The following CDYL2 variants were observed in gnomAD, a reference collection of about 807,000 sequenced individuals.
The protein encoded by CDYL2 is chromodomain Y like 2.
A neutral mutation model predicts 49.4 loss-of-function variants in CDYL2; 23 were observed. The ratio of observed to expected loss-of-function variants is 0.47; its 90% CI spans 0.34 to 0.66. The LOEUF (loss-of-function observed/expected upper bound fraction) is 0.66, where lower values mean the gene tolerates loss of function less well. Among genes scored for constraint, CDYL2 ranks in the 30% least tolerant of loss-of-function variants. CDYL2 has a pLI of 0.01. For synonymous variants in CDYL2, 360 were observed against 268.8 expected (o/e 1.34, Z -3.32); for missense variants, 678 against 656.4 (o/e 1.03, Z -0.36).
chr16:80,788,095 G>GA (rs973123274), intron 1 of CDYL2, among the ~76,000 whole-genome samples: 4 of 151,926 alleles, frequency 2.6e-5, no homozygotes, highest in Non-Finnish European at 4.4e-5. Context: ...AAAGAAAAAG[G>GA]AAAAAAAGCA....
chr16:80,709,482 T>C (rs1238679437), intron 1 of CDYL2, among the ~76,000 whole-genome samples: 1 of 151,466 alleles, frequency 6.6e-6, no homozygotes, highest in African/African-American at 2.4e-5. Context: ...TTGTGCACAA[T>C]TTCGTCCATG....
intron 1 of CDYL2, among the ~76,000 whole-genome samples, chr16:80,718,004 G>C (rs1346608829): frequency 2.0e-5 from 3 of 152,102 alleles, no homozygotes; most frequent in Non-Finnish European, 2.9e-5. Flanking sequence ...TCTCACGCTG[G>C]GTGCTTTCTC....
chr16:80,776,911 A>G (rs372441704), intron 1 of CDYL2, among the ~76,000 whole-genome samples: 2 of 151,514 alleles, frequency 1.3e-5, no homozygotes, highest in South Asian at 2.1e-4. Flanking sequence ...TCCGCCTCCC[A>G]GATTCAAGCC....
At chr16:80,729,592 C>T (rs1253411426) in intron 1 of CDYL2, among the ~76,000 whole-genome samples, 2 of 152,060 alleles carry the variant, frequency 1.3e-5, no homozygotes, top group African/African-American at 4.8e-5. Flanking sequence ...AGCTCTGCAC[C>T]AAGCAGACCT....
chr16:80,798,133 C>T (rs1325243831), intron 1 of CDYL2, among the ~76,000 whole-genome samples: 1 of 152,138 alleles, frequency 6.6e-6, no homozygotes, highest in African/African-American at 2.4e-5. Context: ...CTCTGCCTTC[C>T]AGACTCAAGC....
intron 3 of CDYL2, among the ~76,000 whole-genome samples, chr16:80,624,063 C>G (rs547740285): frequency 6.6e-6 from 1 of 152,176 alleles, no homozygotes; most frequent in Non-Finnish European, 1.5e-5. Flanking sequence ...CCCTCACACC[C>G]CTGCATACTC....
At position 80,699,868 on chromosome 16, in the gene CDYL2, ATT is replaced by A. The variant is rs66786988; in HGVS notation, c.25-14741_25-14740del. Among the ~76,000 whole-genome samples, 58 of 144,324 alleles carry A rather than the reference ATT, an allele frequency of 4.0e-4. 1 individual carries two copies. The highest frequency in any genetic ancestry group is 2.8e-3 in the Admixed American group (40 of 14,524). The allele number at this position is 144,324 out of a possible 152,430, so 94.7% of individuals were successfully genotyped here. On this transcript the variant is annotated intron_variant, in intron 1 of 6. Transcript: ENST00000570137. Reference sequence around the variant, plus strand: ...GTAAATAATTAGAATGACCAAAACAATTTTTTTTTTTTTTTTTGAGACGGAGT... The same window carrying A: ...GTAAATAATTAGAATGACCAAAACAATTTTTTTTTTTTTTTGAGACGGAGT...
rs149742149 is a variant in CDYL2 at position 80,769,652 on chromosome 16, G to A, written c.24+34498C>T. Among the ~76,000 whole-genome samples the A allele has an allele frequency of 1.8e-4, 27 of 152,242 alleles. No individual in the cohort carries two copies. The East Asian group carries it at 5.0e-3, about 28-fold the overall frequency. Reference sequence around the variant, plus strand: ...TCCCAGCTCCCTTCCTCCCCAGGCCGAAAGATGTGAACAGGAAACCAGTAC... The same window carrying A: ...TCCCAGCTCCCTTCCTCCCCAGGCCAAAAGATGTGAACAGGAAACCAGTAC... On this transcript the variant is annotated intron_variant, in intron 1 of 6. Transcript: ENST00000570137.
At chr16:80,622,152 G>T (rs932655081) in intron 3 of CDYL2, among the ~76,000 whole-genome samples, 2 of 152,186 alleles carry the variant, frequency 1.3e-5, no homozygotes, top group African/African-American at 4.8e-5. Flanking sequence ...ATCTGGCCAT[G>T]GCCTTCCATT....
At chr16:80,647,937 G>A (rs1032452321) in intron 2 of CDYL2, among the ~76,000 whole-genome samples, 1 of 151,896 alleles carries the variant, frequency 6.6e-6, no homozygotes, top group South Asian at 2.1e-4. Flanking sequence ...GAATTAAGAT[G>A]GAAATTGAAA....
intron 5 of CDYL2, 78 bp from the exon 6 acceptor site, chr16:80,608,313 C>A: frequency 7.1e-7 from 1 of 1,416,646 alleles, no homozygotes; most frequent in South Asian, 1.5e-5. Context: ...GGCTTGCCAC[C>A]TGCAACCATC....
At chr16:80,797,984 G>A (rs1481146585) in intron 1 of CDYL2, among the ~76,000 whole-genome samples, 1 of 152,150 alleles carries the variant, frequency 6.6e-6, no homozygotes, top group African/African-American at 2.4e-5. Context: ...AAAAGAGTTT[G>A]AATTGTGCAG....
At chr16:80,636,558 G>C (rs1907835384) in intron 2 of CDYL2, among the ~76,000 whole-genome samples, 1 of 152,210 alleles carries the variant, frequency 6.6e-6, no homozygotes. Flanking sequence ...GGAAACAACA[G>C]GTGCTGGAGA....
At chr16:80,707,634 C>A (rs1904451822) in intron 1 of CDYL2, among the ~76,000 whole-genome samples, 1 of 152,156 alleles carries the variant, frequency 6.6e-6, no homozygotes, top group African/African-American at 2.4e-5. Flanking sequence ...CACCAAACTC[C>A]AGATGCTTTG....
At position 80,788,707 on chromosome 16, in the gene CDYL2, T is replaced by C. The variant is rs148984371; in HGVS notation, c.24+15443A>G. ...TGTTGGTTCAACCGTCTGGTGTCTG[T>C]GAATTAATTTATGAATCATAAGATG... On this transcript the variant is annotated intron_variant, in intron 1 of 6. Transcript: ENST00000570137. Among the ~76,000 whole-genome samples, 323 of 152,334 alleles carry C rather than the reference T, an allele frequency of 2.1e-3. 1 individual carries two copies. The highest frequency in any genetic ancestry group is 7.5e-3 in the African/African-American group (313 of 41,582).
chr16:80,757,904 T>A (rs1377431593), intron 1 of CDYL2, among the ~76,000 whole-genome samples: 1 of 152,132 alleles, frequency 6.6e-6, no homozygotes, highest in Non-Finnish European at 1.5e-5. Flanking sequence ...CTACTAAGAT[T>A]TTATTTTACT....
At chr16:80,685,322 C>T (rs918372012) in intron 1 of CDYL2, among the ~76,000 whole-genome samples, 193 bp from the exon 2 acceptor site, 1 of 152,330 alleles carries the variant, frequency 6.6e-6, no homozygotes, top group Admixed American at 6.5e-5. Context: ...TTTACGACAT[C>T]ACTGGATGGA....
chr16:80,623,270 C>T (rs959235084), intron 3 of CDYL2, among the ~76,000 whole-genome samples: 6 of 152,152 alleles, frequency 3.9e-5, no homozygotes, highest in African/African-American at 1.4e-4. Context: ...TCCACTTCTA[C>T]CCCACAGTAT....
intron 1 of CDYL2, among the ~76,000 whole-genome samples, chr16:80,695,667 A>T (rs764432165): frequency 6.6e-6 from 1 of 152,246 alleles, no homozygotes; most frequent in Non-Finnish European, 1.5e-5. Context: ...GGAGGTCATT[A>T]TATAATGATA....
Sources: allele counts gnomAD v4.1 joint callset (sites outside exome capture counted in the v4.1 genomes callset), GRCh38; gene constraint gnomAD v4.1.1; transcripts MANE v1.5; gene names NCBI Gene and HGNC (gene_info 2026-07-23, HGNC 2026-07-21).